The following APP variants were observed in gnomAD, a reference collection of about 807,000 sequenced individuals.
APP encodes the protein amyloid-beta precursor protein.
In APP, 31 loss-of-function variants were observed where a neutral mutation model predicts 101.4. The observed-to-expected ratio is 0.31, with a 90% CI of 0.23 to 0.41. The LOEUF (loss-of-function observed/expected upper bound fraction) is 0.41. APP is among the 10% of genes least tolerant of loss of function. The probability of loss-of-function intolerance (pLI) is 1.00; values close to 1 mark genes in which losing one functional copy is unlikely to be tolerated. For synonymous variants in APP, 366 were observed against 364.4 expected, an observed-to-expected ratio of 1.00 and a Z score of -0.05; for missense variants, 839 against 1,003.7, an observed-to-expected ratio of 0.84 and a Z score of 2.22.
chr21:25,937,210 CA>C (rs1010413139), intron 13 of APP, among the ~76,000 whole-genome samples: 1 of 151,646 alleles, frequency 6.6e-6, no homozygotes, highest in African/African-American at 2.4e-5. Flanking sequence ...TTTGAAGGAA[CA>C]AAAAAGGGGA....
intron 13 of APP, among the ~76,000 whole-genome samples, chr21:25,917,261 C>CA (rs397867177): frequency 0.15 from 9,421 of 64,106 alleles, 575 homozygotes; most frequent in African/African-American, 0.21. Context: ...ACTCTGTCTC[C>CA]AAAAAAAAAA....
intron 11 of APP, among the ~76,000 whole-genome samples, chr21:25,973,956 A>C (rs1433153801): frequency 3.3e-5 from 5 of 151,176 alleles, no homozygotes; most frequent in African/African-American, 7.3e-5. Flanking sequence ...AAAAAAAAAA[A>C]AAAAAAAAGA....
At chr21:25,906,811 AC>A (rs2038815266) in intron 14 of APP, among the ~76,000 whole-genome samples, 1 of 152,230 alleles carries the variant, frequency 6.6e-6, no homozygotes, top group South Asian at 2.1e-4. Context: ...TAAGAACACA[AC>A]AGACCACATG....
chr21:26,129,239 G>A lies in APP; in HGVS notation c.58-17093C>T, dbSNP rs1188595836. On this transcript the variant is annotated intron_variant, in intron 1 of 17. Transcript: ENST00000346798. ...TGTAATCCCAGCACTTTGGGAAGCC[G>A]AGGCAGGTGGATCATGAGGTTAGGA... Among the ~76,000 whole-genome samples the A allele has an allele frequency of 3.3e-5, 5 of 152,232 alleles. No individual in the cohort carries two copies. The South Asian group carries it at 8.3e-4, about 25-fold the overall frequency.
rs553616537 is a variant in APP at position 26,160,884 on chromosome 21, T to C, written c.57+9680A>G. Among the ~76,000 whole-genome samples, 216 of 152,298 alleles carry C rather than the reference T, an allele frequency of 1.4e-3. 3 individuals carry two copies. The highest frequency in any genetic ancestry group is 6.8e-3 in the Middle Eastern group (2 of 294). The stretch of plus-strand genomic sequence containing the variant: ...GGCCAACTGAATTTTTGAAATACAA[T>C]TGCAAATGACTGAACGTGATGTATT... On this transcript the variant is annotated intron_variant, in intron 1 of 17. Transcript: ENST00000346798.
intron 2 of APP, among the ~76,000 whole-genome samples, chr21:26,105,562 G>T (rs1017697404): frequency 1.3e-5 from 2 of 151,222 alleles, no homozygotes; most frequent in Non-Finnish European, 2.9e-5. Flanking sequence ...TCCAACACAC[G>T]CATGAAAATC....
At chr21:25,986,311 C>T (rs954938428) in intron 8 of APP, among the ~76,000 whole-genome samples, 13 of 152,188 alleles carry the variant, frequency 8.5e-5, no homozygotes, top group Non-Finnish European at 4.4e-5. Context: ...TGGAAACAAA[C>T]TGGCTTTAGG....
intron 2 of APP, among the ~76,000 whole-genome samples, chr21:26,099,589 T>C (rs1027020127): frequency 1.3e-5 from 2 of 152,254 alleles, no homozygotes; most frequent in African/African-American, 4.8e-5. Context: ...CTAGACAATA[T>C]ATACTTCTGT....
intron 15 of APP, among the ~76,000 whole-genome samples, chr21:25,902,207 G>C (rs775311722): frequency 6.6e-6 from 1 of 152,102 alleles, no homozygotes; most frequent in Non-Finnish European, 1.5e-5. Context: ...TTGTTTCTGA[G>C]GACAACAGTG....
chr21:26,061,384 A>G (rs2830035), intron 3 of APP, among the ~76,000 whole-genome samples: 111,298 of 152,108 alleles, frequency 0.73, 40,842 homozygotes, highest in East Asian at 0.87. Context: ...TGTTTTCTTA[A>G]GTGATTTTTT....
chr21:25,986,131 G>A (rs957090843), intron 8 of APP, among the ~76,000 whole-genome samples: 5 of 152,246 alleles, frequency 3.3e-5, no homozygotes, highest in African/African-American at 7.2e-5. Context: ...CCAGAGACAC[G>A]TGTGCCCTAT....
intron 8 of APP, among the ~76,000 whole-genome samples, chr21:25,985,849 A>G (rs1207038227): frequency 1.3e-5 from 2 of 152,090 alleles, no homozygotes; most frequent in Admixed American, 6.5e-5. Context: ...CATCTCAATT[A>G]GTGTGAGTGA....
intron 7 of APP, among the ~76,000 whole-genome samples, chr21:25,998,224 C>G (rs531949994): frequency 6.6e-6 from 1 of 152,104 alleles, no homozygotes; most frequent in Admixed American, 6.5e-5. Flanking sequence ...CCTCTCCCAC[C>G]GGCTAAACCA....
At chr21:25,905,957 G>GT (rs5843180) in intron 14 of APP, among the ~76,000 whole-genome samples, 152,325 of 152,326 alleles carry the variant, frequency 1, 76,162 homozygotes, top group Non-Finnish European at 1. Flanking sequence ...AAGCCACGGA[G>GT]GTAGGTGCAG....
chr21:25,927,660 C>T (rs931183102), intron 13 of APP, among the ~76,000 whole-genome samples: 1 of 104,254 alleles, frequency 9.6e-6, no homozygotes, highest in Non-Finnish European at 1.9e-5. Context: ...ATGAAGCATG[C>T]TTTGTCCCCT....
intron 1 of APP, among the ~76,000 whole-genome samples, chr21:26,114,162 T>G (rs548498260): frequency 3.3e-5 from 5 of 152,350 alleles, no homozygotes; most frequent in South Asian, 2.1e-4. Flanking sequence ...AAACTCTCTC[T>G]GTACTTTTGT....
intron 15 of APP, among the ~76,000 whole-genome samples, chr21:25,901,189 A>G (rs2038444582): frequency 6.6e-6 from 1 of 151,110 alleles, no homozygotes; most frequent in Non-Finnish European, 1.5e-5. Flanking sequence ...TCCCAGCTGC[A>G]TGGGAAACTT....
At chr21:25,912,389 A>G (rs2039122622) in intron 13 of APP, among the ~76,000 whole-genome samples, 1 of 152,204 alleles carries the variant, frequency 6.6e-6, no homozygotes, top group Non-Finnish European at 1.5e-5. Flanking sequence ...TTCAAGCTGA[A>G]AGACAACAGA....
chr21:25,975,078 G>A lies in APP; in HGVS notation c.1450C>T (p.Pro484Ser), dbSNP rs768238394. ...ENYITALQAV[P>S]PRPRHVFNML... The stretch of plus-strand genomic sequence containing the variant: ...GCTGCAGCGAGACCTACCCGAGGAG[G>A]AACAGCCTGCAGAGCGGTGATGTAG... The change falls in exon 11 of 18, where the codon CCT becomes TCT. Residue 484 changes from proline to serine, a missense_variant. Transcript: ENST00000346798. 2.4e-5 allele frequency: 39 copies of A among 1,613,986 alleles called. No homozygotes were observed. The East Asian group carries it at 8.7e-4, about 36-fold the overall frequency.
Sources: allele counts gnomAD v4.1 joint callset (sites outside exome capture counted in the v4.1 genomes callset), GRCh38; gene constraint gnomAD v4.1.1; transcripts MANE v1.5; gene names NCBI Gene and HGNC (gene_info 2026-07-23, HGNC 2026-07-21).